The following CENPP variants were observed in gnomAD, a reference collection of about 807,000 sequenced individuals.
CENPP encodes centromere protein P.
A neutral mutation model predicts 35.6 loss-of-function variants in CENPP; 24 were observed. The observed-to-expected ratio is 0.67, with a 90% CI of 0.49 to 0.95. CENPP has a LOEUF of 0.95. Ranked by LOEUF, CENPP falls within the 40% of genes least tolerant of loss-of-function variation. The pLI is 0.00. For missense variants in CENPP, 332 were observed against 345.3 expected (o/e 0.96, Z 0.31); for synonymous variants, 120 against 125.5 (o/e 0.96, Z 0.29).
intron 5 of CENPP, among the ~76,000 whole-genome samples, chr9:92,473,357 C>G (rs539555296): frequency 1.3e-5 from 2 of 152,198 alleles, no homozygotes; most frequent in Non-Finnish European, 2.9e-5. Flanking sequence ...CAGTTTACAT[C>G]TGGTGGAGTC....
intron 5 of CENPP, among the ~76,000 whole-genome samples, chr9:92,423,576 C>T (rs1843878543): frequency 6.6e-6 from 1 of 151,652 alleles, no homozygotes; most frequent in South Asian, 2.1e-4. Context: ...AATTTTTTTG[C>T]TATTAAAAAT....
intron 3 of CENPP, among the ~76,000 whole-genome samples, chr9:92,344,388 CTT>C (rs1841216798): frequency 1.3e-5 from 2 of 152,066 alleles, no homozygotes; most frequent in Admixed American, 1.3e-4. Flanking sequence ...TTTCCTTTTC[CTT>C]TCTTTGCTTT....
Position 92,379,836 on chromosome 9 carries a change from A to C in CENPP, c.541A>C (p.Lys181Gln). 6.2e-7 allele frequency: 1 copy of C among 1,611,686 alleles called. No homozygotes were observed. Among genetic ancestry groups the C allele is most frequent in the South Asian group, 1.1e-5 (1 of 91,036 alleles). ...TTTTGTGGAGTGGTTTGAATATCGT[A>C]AGCGCACGTTTAAACATCTCAAGGT... ...HFFVEWFEYR[K>Q]RTFKHLKEKY... Residue 181 changes from lysine to glutamine, a missense_variant, in exon 5 of 8, where the codon AAG becomes CAG. Physicochemically the swap from Lys to Gln is moderately conservative, Grantham distance 53. Coordinates refer to ENST00000375587, the MANE Select transcript of CENPP (RefSeq NM_001012267.3).
chr9:92,417,510 T>G, intron 5 of CENPP: 1 of 1,609,814 alleles, frequency 6.2e-7, no homozygotes, highest in African/African-American at 1.3e-5. Flanking sequence ...CAATGTACTT[T>G]GACTCCAAAA....
At chr9:92,492,035 T>C (rs915070743) in intron 5 of CENPP, among the ~76,000 whole-genome samples, 6 of 152,192 alleles carry the variant, frequency 3.9e-5, no homozygotes, top group African/African-American at 1.4e-4. Context: ...CAAGGTCCAT[T>C]GATCTTTCTC....
chr9:92,611,076 G>A (rs1020832078), intron 5 of CENPP: 7 of 591,654 alleles, frequency 1.2e-5, no homozygotes, highest in Non-Finnish European at 1.5e-5. Flanking sequence ...GGGAGGTTAT[G>A]TACAATGTTC....
chr9:92,330,913 C>T (rs1281320496), intron 1 of CENPP, among the ~76,000 whole-genome samples: 2 of 152,104 alleles, frequency 1.3e-5, no homozygotes, highest in African/African-American at 4.8e-5. Context: ...TGGTCTCGAA[C>T]TCCTGACCTC....
intron 5 of CENPP, among the ~76,000 whole-genome samples, chr9:92,499,747 T>A (rs1013731763): frequency 5.9e-5 from 9 of 152,238 alleles, no homozygotes; most frequent in Non-Finnish European, 8.8e-5. Flanking sequence ...TTTTGTTTTG[T>A]CTTTGTAGGC....
Position 92,615,810 on chromosome 9 carries a change from C to T in CENPP, c.*2661C>T, listed in dbSNP as rs1478330525. The T allele has an allele frequency of 6.4e-7, 1 of 1,554,294 alleles. No individual in the cohort carries two copies. The highest frequency in any genetic ancestry group is 1.4e-5 in the African/African-American group (1 of 73,702). On this transcript the variant is annotated 3_prime_UTR_variant, in exon 8 of 8. Transcript: ENST00000375587. ...CAGCCTTCACATTATGTTCAAGTTT[C>T]AAAGACACTGCAGGGAAAGAGTTAG...
rs1455621538 is a variant in CENPP at position 92,618,819 on chromosome 9, A to G, written c.*5670A>G. The stretch of plus-strand genomic sequence containing the variant: ...GTGAGTGGCTGGCAGCCAGCAACCA[A>G]GGTCATCTTGACCCAGGAACACATG... On this transcript the variant is annotated 3_prime_UTR_variant, in exon 8 of 8. Coordinates refer to ENST00000375587, the MANE Select transcript of CENPP (RefSeq NM_001012267.3). The G allele has an allele frequency of 1.1e-4, 38 of 354,242 alleles. No individual in the cohort carries two copies. Among genetic ancestry groups the G allele is most frequent in the South Asian group, 2.4e-4 (11 of 46,236 alleles). 21.9% of individuals were successfully genotyped at this position (354,242 alleles called of 1,614,324 possible). A position where few individuals can be genotyped will look rare whatever the true frequency, so the allele number is the denominator to read the frequency against.
chr9:92,334,429 T>G (rs1345338777), intron 2 of CENPP, among the ~76,000 whole-genome samples: 2 of 152,126 alleles, frequency 1.3e-5, no homozygotes, highest in African/African-American at 2.4e-5. Context: ...GAGAGTAGTA[T>G]TTTAATTTAT....
intron 5 of CENPP, among the ~76,000 whole-genome samples, chr9:92,567,397 G>GAT (rs762810461): frequency 2.9e-4 from 15 of 51,576 alleles, no homozygotes; most frequent in African/African-American, 4.6e-4. Context: ...TATATATATA[G>GAT]ATATATATAT....
intron 5 of CENPP, among the ~76,000 whole-genome samples, chr9:92,585,304 G>T (rs1049311781): frequency 6.6e-6 from 1 of 152,178 alleles, no homozygotes; most frequent in Non-Finnish European, 1.5e-5. Context: ...AGGGGGGATA[G>T]TGACATGAAA....
intron 4 of CENPP, among the ~76,000 whole-genome samples, chr9:92,349,417 T>A (rs1057110029): frequency 4.0e-5 from 6 of 151,294 alleles, no homozygotes; most frequent in South Asian, 2.1e-4. Context: ...TTATTTTTTT[T>A]TTTTTGAGAC....
chr9:92,440,462 A>C (rs139342611), intron 5 of CENPP, among the ~76,000 whole-genome samples: 1 of 152,292 alleles, frequency 6.6e-6, no homozygotes, highest in East Asian at 1.9e-4. Flanking sequence ...CCTGGGCTAC[A>C]GTGGGCCATG....
chr9:92,438,018 G>C (rs1287743223), intron 5 of CENPP, among the ~76,000 whole-genome samples: 1 of 150,016 alleles, frequency 6.7e-6, no homozygotes, highest in Non-Finnish European at 1.5e-5. Flanking sequence ...GTGTTGCCCA[G>C]GCTGGTCTTG....
chr9:92,606,877 C>T lies in CENPP; in HGVS notation c.565-4437C>T, dbSNP rs1281732132. On this transcript the variant is annotated intron_variant, in intron 5 of 7. Transcript: ENST00000375587. Reference sequence around the variant, plus strand: ...ACTCAGGAAGCTGAGGCAGGCGAATCGCTTGAATCCAGGAGGCAGAGGCTA... The same window carrying T: ...ACTCAGGAAGCTGAGGCAGGCGAATTGCTTGAATCCAGGAGGCAGAGGCTA... Among the ~76,000 whole-genome samples, 3 of 152,210 alleles carry T rather than the reference C, an allele frequency of 2.0e-5. 1 individual carries two copies. Among genetic ancestry groups the T allele is most frequent in the South Asian group, 4.1e-4 (2 of 4,820 alleles).
intron 5 of CENPP, among the ~76,000 whole-genome samples, chr9:92,524,673 A>C (rs1232238744): frequency 1.3e-5 from 2 of 152,172 alleles, no homozygotes; most frequent in Non-Finnish European, 1.5e-5. Context: ...AGCCTTCCTT[A>C]CACAGCCAGT....
At chr9:92,505,603 C>T in intron 5 of CENPP, 1 of 1,611,486 alleles carries the variant, frequency 6.2e-7, no homozygotes, top group Non-Finnish European at 8.5e-7. Context: ...GTAGGCTAGG[C>T]TCTTCAAAGG....
Sources: gnomAD v4.1 joint callset for allele counts (sites outside exome capture counted in the v4.1 genomes callset) on GRCh38, gnomAD v4.1.1 for gene constraint, MANE v1.5 for transcripts, NCBI Gene and HGNC (gene_info 2026-07-23, HGNC 2026-07-21) for gene names.